Variants in RELN observed in about 807,000 individuals in gnomAD.
RELN encodes reelin.
RELN carries 108 observed loss-of-function variants against 427.6 expected under a neutral mutation model. The ratio of observed to expected loss-of-function variants is 0.25; its 90% CI spans 0.22 to 0.30. The LOEUF is 0.30. RELN is among the 10% of genes least tolerant of loss of function. The pLI is 1.00. For missense variants in RELN, 3,715 were observed against 4,302.8 expected (o/e 0.86, Z 3.82); for synonymous variants, 1,524 against 1,513.4 (o/e 1.01, Z -0.16).
At chr7:103,866,540 C>A (rs1408802401) in intron 2 of RELN, among the ~76,000 whole-genome samples, 1 of 151,918 alleles carries the variant, frequency 6.6e-6, no homozygotes, top group Non-Finnish European at 1.5e-5. Context: ...CCCAGTAAAT[C>A]ATTTAGGTAA....
intron 1 of RELN, among the ~76,000 whole-genome samples, chr7:103,936,148 A>G (rs1209331017): frequency 1.1e-4 from 16 of 150,090 alleles, no homozygotes; most frequent in Admixed American, 1.0e-3. Context: ...GCTGGAGTGC[A>G]GTAGCACAAT....
chr7:103,958,954 A>G (rs917730830), intron 1 of RELN, among the ~76,000 whole-genome samples: 2 of 152,152 alleles, frequency 1.3e-5, no homozygotes, highest in African/African-American at 4.8e-5. Context: ...ACCCAGTCCA[A>G]TAATTTTTTC....
chr7:103,926,738 G>A (rs772646466), intron 1 of RELN, among the ~76,000 whole-genome samples: 36 of 144,618 alleles, frequency 2.5e-4, no homozygotes, highest in Non-Finnish European at 4.3e-4. Flanking sequence ...TCTGCCTCCC[G>A]GGTTCACGCC....
chr7:103,858,188 A>G (rs1162536785), intron 2 of RELN, among the ~76,000 whole-genome samples: 2 of 152,148 alleles, frequency 1.3e-5, no homozygotes, highest in African/African-American at 2.4e-5. Context: ...TCCTGCCTCT[A>G]CCACTTCCTA....
chr7:103,919,156 T>A (rs1055237713), intron 1 of RELN, among the ~76,000 whole-genome samples: 1 of 120,228 alleles, frequency 8.3e-6, no homozygotes, highest in African/African-American at 4.2e-5. Flanking sequence ...TTTTTTTTTT[T>A]AGAAAGAGGA....
chr7:103,942,453 G>T (rs757203140), intron 1 of RELN, among the ~76,000 whole-genome samples: 1 of 152,180 alleles, frequency 6.6e-6, no homozygotes, highest in Non-Finnish European at 1.5e-5. Flanking sequence ...CTAGCTCAAT[G>T]ATTCTCAAAG....
At chr7:103,754,078 A>G (rs1210126136) in intron 4 of RELN, among the ~76,000 whole-genome samples, 2 of 152,146 alleles carry the variant, frequency 1.3e-5, no homozygotes, top group African/African-American at 4.8e-5. Flanking sequence ...GTGGATCTAC[A>G]TTTCAATTGT....
chr7:103,596,449 T>C lies in RELN; in HGVS notation c.3539+7A>G, dbSNP rs1408194090. The C allele has an allele frequency of 6.2e-7, 1 of 1,609,996 alleles. No individual in the cohort carries two copies. Among genetic ancestry groups the C allele is most frequent in the African/African-American group, 1.3e-5 (1 of 74,850 alleles). On this transcript the variant is annotated splice_region_variant and intron_variant, in intron 25 of 64. Coordinates refer to ENST00000428762, the MANE Select transcript of RELN (RefSeq NM_005045.4). ...ACTAATGCGAGGACCATCAGGTGGG[T>C]AGTTACCTGGGTTTGCTGAAGTCTG...
chr7:103,833,520 A>G lies in RELN; in HGVS notation c.473+17T>C. 6.2e-7 allele frequency: 1 copy of G among 1,612,206 alleles called. No homozygotes were observed. Among genetic ancestry groups the G allele is most frequent in the Non-Finnish European group, 8.5e-7 (1 of 1,178,292 alleles). The stretch of plus-strand genomic sequence containing the variant: ...TATTTGCCTTCTGTACGTATGGCAG[A>G]CACTTTGGGTACTTACATGAAATTC... On this transcript the variant is annotated intron_variant, in intron 3 of 64. Coordinates refer to ENST00000428762, the MANE Select transcript of RELN (RefSeq NM_005045.4).
intron 2 of RELN, among the ~76,000 whole-genome samples, 154 bp from the exon 3 acceptor site, chr7:103,833,826 T>C (rs557344265): frequency 1.3e-5 from 2 of 152,368 alleles, no homozygotes; most frequent in South Asian, 4.1e-4. Context: ...TTTTTATTGC[T>C]ACAGGGAAAT....
chr7:103,798,978 AT>A (rs1792378449), intron 3 of RELN, among the ~76,000 whole-genome samples: 1 of 151,880 alleles, frequency 6.6e-6, no homozygotes, highest in Non-Finnish European at 1.5e-5. Flanking sequence ...GCCTATAGCC[AT>A]TCCCTCATGT....
In RELN at chr7:103,561,535, T is replaced by C; in HGVS notation, c.5526A>G (p.Lys1842=). Residue 1842 remains lysine (K), a synonymous_variant, in exon 36 of 65, where the codon AAA becomes AAG. Coordinates refer to ENST00000428762, the MANE Select transcript of RELN (RefSeq NM_005045.4). ...GAGAATCTTATCTGTATCTGACCCC[T>C]TTAAAAATTAGAGATGTTCCAGATT... ...TIKSGTSLIF[K]GEGLRMLISR... The C allele has an allele frequency of 1.2e-6, 2 of 1,612,334 alleles. No individual in the cohort carries two copies. The highest frequency in any genetic ancestry group is 1.7e-6 in the Non-Finnish European group (2 of 1,178,396).
intron 2 of RELN, among the ~76,000 whole-genome samples, chr7:103,916,712 T>C (rs775239735): frequency 3.3e-5 from 5 of 152,208 alleles, no homozygotes; most frequent in South Asian, 2.1e-4. Flanking sequence ...TTAACCATAA[T>C]ATTTTAAGAA....
intron 20 of RELN, among the ~76,000 whole-genome samples, chr7:103,622,024 A>C (rs1339501490): frequency 6.6e-6 from 1 of 152,174 alleles, no homozygotes; most frequent in Non-Finnish European, 1.5e-5. Context: ...TCAAAAAAAT[A>C]AAAATAAAAA....
chr7:103,708,098 A>G (rs964669052), intron 8 of RELN, among the ~76,000 whole-genome samples: 2 of 152,218 alleles, frequency 1.3e-5, no homozygotes, highest in African/African-American at 4.8e-5. Context: ...TGAAATAGGT[A>G]TCCACTTTTA....
intron 19 of RELN, among the ~76,000 whole-genome samples, chr7:103,631,687 T>A (rs984275068): frequency 6.6e-6 from 1 of 152,198 alleles, no homozygotes; most frequent in African/African-American, 2.4e-5. Flanking sequence ...TCAGTGTAAA[T>A]TTATTAGAAG....
intron 51 of RELN, among the ~76,000 whole-genome samples, chr7:103,507,112 A>C: frequency 6.7e-6 from 1 of 149,008 alleles, no homozygotes; most frequent in Non-Finnish European, 1.5e-5. Context: ...CACTGTCAAT[A>C]TTAGATCAAC....
chr7:103,657,375 T>C (rs1229384594), intron 12 of RELN, among the ~76,000 whole-genome samples: 1 of 152,020 alleles, frequency 6.6e-6, no homozygotes, highest in African/African-American at 2.4e-5. Flanking sequence ...GAGGATTATA[T>C]ATAAATACGT....
chr7:103,522,369 C>A (rs1434204943), intron 47 of RELN, among the ~76,000 whole-genome samples, 170 bp from the exon 48 acceptor site: 1 of 152,150 alleles, frequency 6.6e-6, no homozygotes, highest in Non-Finnish European at 1.5e-5. Flanking sequence ...CTTTAGGTTA[C>A]AAATAATCTA....
Sources: allele counts gnomAD v4.1 joint callset (sites outside exome capture counted in the v4.1 genomes callset), GRCh38; gene constraint gnomAD v4.1.1; transcripts MANE v1.5; gene names NCBI Gene and HGNC (gene_info 2026-07-23, HGNC 2026-07-21).